CCDC88C: variants seen among roughly 807,000 people sequenced by gnomAD.
The protein encoded by CCDC88C is protein Daple.
A neutral mutation model predicts 198.8 loss-of-function variants in CCDC88C; 131 were observed. That is an observed-to-expected ratio of 0.66 (90% confidence interval 0.57 to 0.76). The LOEUF is 0.76. Among genes scored for constraint, CCDC88C ranks in the 30% least tolerant of loss-of-function variants. The pLI is 0.00. For missense variants in CCDC88C, 2,553 were observed against 2,631.6 expected (o/e 0.97, Z 0.65); for synonymous variants, 1,166 against 1,114.7 (o/e 1.05, Z -0.92).
Position 91,364,821 on chromosome 14 carries a change from G to A in CCDC88C, c.271-5110C>T, listed in dbSNP as rs547549201. On this transcript the variant is annotated intron_variant, in intron 3 of 29. Coordinates refer to ENST00000389857, the MANE Select transcript of CCDC88C (RefSeq NM_001080414.4). ...GCGGTGGCTTTCCAAGGTCACAGGC[G>A]TAGAGTTCTAAGAACAGAACCAAAG... Among the ~76,000 whole-genome samples, 22 of 152,290 alleles carry A rather than the reference G, an allele frequency of 1.4e-4. No homozygotes were observed. In the South Asian group the frequency reaches 1.5e-3, roughly 10 times the overall value.
At chr14:91,324,154 G>A (rs149723940) in intron 12 of CCDC88C, among the ~76,000 whole-genome samples, 189 of 152,320 alleles carry the variant, frequency 1.2e-3, no homozygotes, top group African/African-American at 4.3e-3. Context: ...GGCTTCCTGC[G>A]CAGGGGGCTG....
In CCDC88C at chr14:91,403,275, C is replaced by T. The variant is rs77667265; in HGVS notation, c.270+5384G>A. On this transcript the variant is annotated intron_variant, in intron 3 of 29. Coordinates refer to ENST00000389857, the MANE Select transcript of CCDC88C (RefSeq NM_001080414.4). ...CCGATCTCACTGGATGAGATATCCA[C>T]GTGTGGACTCGATGACAAAGACATA... is the stretch of plus-strand genomic sequence containing the variant. 3.2e-3 allele frequency among the ~76,000 whole-genome samples: 494 copies of T among 152,342 alleles called. 3 individuals are homozygous for T. The highest frequency in any genetic ancestry group is 0.011 in the African/African-American group (464 of 41,582).
intron 3 of CCDC88C, chr14:91,379,676 T>C: frequency 1.7e-6 from 1 of 604,434 alleles, no homozygotes; most frequent in Admixed American, 2.8e-5. Context: ...CCAGCACCCA[T>C]TCTCCTTGCT....
chr14:91,315,717 T>A lies in CCDC88C; in HGVS notation c.1598A>T (p.Glu533Val). The change falls in exon 14 of 30, where the codon GAG becomes GTG. Residue 533 changes from glutamate (E) to valine (V), a missense_variant. Around this residue, in one of 2 missense-constraint regions of CCDC88C, gnomAD observed 1,260 missense variants for 1,412.0 expected, o/e 0.89. Coordinates refer to ENST00000389857, the MANE Select transcript of CCDC88C (RefSeq NM_001080414.4). Reference sequence around the variant, plus strand: ...CAGCTGCTCCTTCTCTCTGATCAGCTCCTCACTGAGGGTCTCCAGATCTTG... The same window carrying A: ...CAGCTGCTCCTTCTCTCTGATCAGCACCTCACTGAGGGTCTCCAGATCTTG... ...SNQDLETLSE[E>V]LIREKEQLQS... 1 of 1,613,882 alleles carries A rather than the reference T, an allele frequency of 6.2e-7. No individual in the cohort carries two copies. The highest frequency in any genetic ancestry group is 8.5e-7 in the Non-Finnish European group (1 of 1,179,848).
Position 91,325,330 on chromosome 14 carries a change from T to C in CCDC88C, c.1198-407A>G, listed in dbSNP as rs138889811. Among the ~76,000 whole-genome samples the C allele has an allele frequency of 5.1e-4, 77 of 152,248 alleles. No individual in the cohort carries two copies. The highest frequency in any genetic ancestry group is 8.8e-4 in the Non-Finnish European group (60 of 68,014). On this transcript the variant is annotated intron_variant, in intron 11 of 29. Coordinates refer to ENST00000389857, the MANE Select transcript of CCDC88C (RefSeq NM_001080414.4). The surrounding 1 kb of genome is among the most constrained non-coding windows in gnomAD (Gnocchi z 4.1). ...ACACCATCAACACTGGCAAAGACCC[T>C]TCTTCCAAGACACACACACACACTC...
At chr14:91,335,289 G>C (rs1238278029) in intron 10 of CCDC88C, among the ~76,000 whole-genome samples, 1 of 152,174 alleles carries the variant, frequency 6.6e-6, no homozygotes, top group Non-Finnish European at 1.5e-5. Flanking sequence ...CCCGCCTCGT[G>C]AAAATGCTTG....
chr14:91,351,722 G>A (rs1893809068), intron 4 of CCDC88C, among the ~76,000 whole-genome samples: 1 of 152,046 alleles, frequency 6.6e-6, no homozygotes, highest in Admixed American at 6.5e-5. Context: ...GAATGGTGCA[G>A]GAGCCTCCCG....
intron 15 of CCDC88C, among the ~76,000 whole-genome samples, chr14:91,312,022 T>TAATA (rs141611255): frequency 0.048 from 7,332 of 151,836 alleles, 477 homozygotes; most frequent in African/African-American, 0.16. Context: ...ATTTAAAAAA[T>TAATA]AATAAAAATA....
At chr14:91,365,947 G>T (rs1894515130) in intron 3 of CCDC88C, among the ~76,000 whole-genome samples, 1 of 151,928 alleles carries the variant, frequency 6.6e-6, no homozygotes, top group African/African-American at 2.4e-5. Context: ...AGTAGGAAAT[G>T]GATGTTGAAA....
intron 3 of CCDC88C, among the ~76,000 whole-genome samples, chr14:91,389,797 G>A (rs1410002997): frequency 2.0e-5 from 3 of 151,820 alleles, no homozygotes; most frequent in African/African-American, 7.2e-5. Context: ...TCTTGGCCAG[G>A]CGCGGTGGCT....
chr14:91,382,685 T>A (rs1833339394), intron 3 of CCDC88C, among the ~76,000 whole-genome samples: 1 of 152,180 alleles, frequency 6.6e-6, no homozygotes, highest in African/African-American at 2.4e-5. Flanking sequence ...CATGCATAGA[T>A]GCTCCCAAGG....
intron 24 of CCDC88C, among the ~76,000 whole-genome samples, chr14:91,289,734 CA>C (rs1890580152): frequency 6.6e-6 from 1 of 152,152 alleles, no homozygotes; most frequent in East Asian, 1.9e-4. Context: ...TCCTCCCTGG[CA>C]CTGAGTAATC....
intron 3 of CCDC88C, among the ~76,000 whole-genome samples, chr14:91,376,181 G>A (rs1204478695): frequency 6.6e-6 from 1 of 152,148 alleles, no homozygotes; most frequent in African/African-American, 2.4e-5. Context: ...ACGATCATAG[G>A]TCAGGCTTCT....
chr14:91,360,889 G>A (rs188158898), intron 3 of CCDC88C, among the ~76,000 whole-genome samples: 58 of 152,236 alleles, frequency 3.8e-4, no homozygotes, highest in African/African-American at 1.3e-3. Flanking sequence ...CGGTGGACAC[G>A]CTTGTAATCC....
chr14:91,273,664 G>A lies in CCDC88C; in HGVS notation c.5059-11C>T. The A allele has an allele frequency of 1.4e-6, 2 of 1,450,462 alleles. No individual in the cohort carries two copies. The highest frequency in any genetic ancestry group is 1.6e-5 in the South Asian group (1 of 61,492). The allele number at this position is 1,450,462 out of a possible 1,614,324, so 89.8% of individuals were successfully genotyped here. A position where few individuals can be genotyped will look rare whatever the true frequency, so the allele number is the denominator to read the frequency against. On this transcript the variant is annotated splice_polypyrimidine_tract_variant and intron_variant, in intron 29 of 29. Coordinates refer to ENST00000389857, the MANE Select transcript of CCDC88C (RefSeq NM_001080414.4). The surrounding 1 kb of genome is among the most constrained non-coding windows in gnomAD (Gnocchi z 5.6). ...GCAACTGGGAGTGTCCTACGGAGAA[G>A]AGAGTGAAGGTTGGAGGTGGGCATG...
At chr14:91,355,612 A>C (rs1342997115) in intron 4 of CCDC88C, among the ~76,000 whole-genome samples, 1 of 152,188 alleles carries the variant, frequency 6.6e-6, no homozygotes, top group African/African-American at 2.4e-5. Flanking sequence ...TTGGGCCGGG[A>C]CGGGCAGATG....
At chr14:91,372,896 A>G (rs1207047182) in intron 3 of CCDC88C, among the ~76,000 whole-genome samples, 1 of 152,166 alleles carries the variant, frequency 6.6e-6, no homozygotes, top group African/African-American at 2.4e-5. Flanking sequence ...AGGCCCCCGG[A>G]GGTGCTGGCT....
Position 91,271,894 on chromosome 14 carries a change from T to C in CCDC88C, c.*731A>G, listed in dbSNP as rs1424348975. 6.5e-6 allele frequency: 1 copy of C among 152,814 alleles called. No homozygotes were observed. The highest frequency in any genetic ancestry group is 1.5e-5 in the Non-Finnish European group (1 of 68,228). The allele number at this position is 152,814 out of a possible 1,614,324, so 9.5% of individuals were successfully genotyped here. On this transcript the variant is annotated 3_prime_UTR_variant, in exon 30 of 30. Transcript: ENST00000389857. ...CAATCCCCAGGCCTGGCAGATCCAG[T>C]GTTTGCAGAAAAGTGAGCCAGGGAA... is the stretch of plus-strand genomic sequence containing the variant.
chr14:91,313,284 C>G lies in CCDC88C; in HGVS notation c.2532G>C (p.Leu844=). 6.2e-7 allele frequency: 1 copy of G among 1,614,020 alleles called. No homozygotes were observed. The highest frequency in any genetic ancestry group is 1.1e-5 in the South Asian group (1 of 91,086). The change falls in exon 15 of 30, where the codon CTG becomes CTC. Residue 844 remains leucine, a synonymous_variant. Coordinates refer to ENST00000389857, the MANE Select transcript of CCDC88C (RefSeq NM_001080414.4). This position sits in a 1 kb window ranked among gnomAD's most constrained non-coding sequence, Gnocchi z 5.2. ...KKLLEKEAKR[L]WQQVELKDAV... ...CATCCTTGAGCTCCACCTGCTGCCA[C>G]AGCCGCTTGGCCTCCTTCTCCAGCA...
Sources: gnomAD v4.1 joint callset for allele counts (sites outside exome capture counted in the v4.1 genomes callset) on GRCh38, gnomAD v4.1.1 for gene constraint, gnomAD v4.1.1 regional missense constraint, Gnocchi (gnomAD v3.1) non-coding constraint, MANE v1.5 for transcripts, NCBI Gene and HGNC (gene_info 2026-07-23, HGNC 2026-07-21) for gene names.